Variants in CTSC observed in about 807,000 individuals in gnomAD.
CTSC encodes the protein cathepsin C.
Under a neutral mutation model 40.9 loss-of-function variants are expected in CTSC, and 37 were observed. The observed-to-expected ratio is 0.91, with a 90% confidence interval of 0.70 to 1.19. The LOEUF (loss-of-function observed/expected upper bound fraction) is 1.19. Among genes scored for constraint, CTSC ranks in the 50% most tolerant of loss-of-function variants. The probability of loss-of-function intolerance (pLI) is 0.00; values close to 1 mark genes in which losing one functional copy is unlikely to be tolerated. For missense variants in CTSC, 594 were observed against 567.3 expected (o/e 1.05, Z -0.48); for synonymous variants, 232 against 207.4 (o/e 1.12, Z -1.02).
In CTSC at chr11:88,296,273, G is replaced by GA. The variant is rs765175054; in HGVS notation, c.758-10dup. The GA allele has an allele frequency of 1.9e-6, 3 of 1,613,170 alleles. No individual in the cohort carries two copies. The highest frequency in any genetic ancestry group is 1.7e-6 in the Non-Finnish European group (2 of 1,179,564). ...GCAGCTGCCACAGGATGCTGGCGAT[G>GA]AAAAAAAGACACATAATCCAAGAGA... On this transcript the variant is annotated splice_polypyrimidine_tract_variant and intron_variant, in intron 5 of 6. Transcript: ENST00000227266.
intron 4 of CTSC, among the ~76,000 whole-genome samples, chr11:88,307,336 T>G (rs1348022143): frequency 6.6e-6 from 1 of 152,224 alleles, no homozygotes; most frequent in Non-Finnish European, 1.5e-5. Context: ...CGTGGCCATT[T>G]AACAAATGTT....
chr11:88,324,853 A>C (rs1938136539), intron 2 of CTSC: 3 of 985,412 alleles, frequency 3.0e-6, no homozygotes, highest in Non-Finnish European at 3.6e-6. Flanking sequence ...AAAAGTTTCC[A>C]GGTGGGAGCA....
At chr11:88,310,266 T>C (rs1004775513) in intron 3 of CTSC, among the ~76,000 whole-genome samples, 2 of 151,532 alleles carry the variant, frequency 1.3e-5, no homozygotes, top group Admixed American at 6.6e-5. Context: ...TTGTGCCAAA[T>C]GCTTGGATAT....
Position 88,294,049 on chromosome 11 carries a change from A to G in CTSC, c.1349T>C (p.Ile450Thr). ...RIRRGTDECA[I>T]ESIAVAATPI... is the part of the protein sequence containing the mutation. Reference sequence around the variant, plus strand: ...TGTGGCTGCCACTGCTATGCTCTCAATTGCACACTCATCAGTTCCTCTGCG... The same window carrying G: ...TGTGGCTGCCACTGCTATGCTCTCAGTTGCACACTCATCAGTTCCTCTGCG... Residue 450 changes from isoleucine (I) to threonine (T), a missense_variant, in exon 7 of 7, where the codon ATT becomes ACT. Transcript: ENST00000227266. 6.2e-7 allele frequency: 1 copy of G among 1,614,026 alleles called. No homozygotes were observed. Among genetic ancestry groups the G allele is most frequent in the Non-Finnish European group, 8.5e-7 (1 of 1,180,020 alleles).
intron 4 of CTSC, 126 bp downstream of exon 4, chr11:88,309,037 A>G: frequency 1.3e-6 from 1 of 779,856 alleles, no homozygotes; most frequent in South Asian, 1.5e-5. Flanking sequence ...TCGTTAACAG[A>G]TCACATAAAA....
intron 6 of CTSC, 144 bp from the exon 7 acceptor site, chr11:88,294,652 A>C: frequency 1.1e-6 from 1 of 889,234 alleles, no homozygotes; most frequent in Non-Finnish European, 1.8e-6. Context: ...TCATCCATCC[A>C]TTTTCCAACT....
intron 4 of CTSC, among the ~76,000 whole-genome samples, chr11:88,303,714 T>A (rs112717774): frequency 1.2e-4 from 19 of 152,286 alleles, no homozygotes; most frequent in African/African-American, 4.6e-4. Flanking sequence ...CATGTAGAGA[T>A]GTGACTGGAC....
chr11:88,316,380 T>TG (rs1441826067), intron 2 of CTSC, among the ~76,000 whole-genome samples: 4 of 151,998 alleles, frequency 2.6e-5, no homozygotes, highest in Middle Eastern at 3.4e-3. Context: ...ACGCCGAGGT[T>TG]GGGGGAATCA....
chr11:88,314,591 G>C (rs935669659), intron 2 of CTSC, among the ~76,000 whole-genome samples: 5 of 152,010 alleles, frequency 3.3e-5, no homozygotes, highest in Non-Finnish European at 7.4e-5. Context: ...ACACTGGCGA[G>C]ATGTCGGCTC....
chr11:88,330,477 T>C (rs1234104470), intron 2 of CTSC, among the ~76,000 whole-genome samples: 1 of 152,010 alleles, frequency 6.6e-6, no homozygotes, highest in African/African-American at 2.4e-5. Flanking sequence ...GCCTCCTGAA[T>C]AGCTGGGATT....
intron 4 of CTSC, among the ~76,000 whole-genome samples, chr11:88,307,486 T>C (rs752296753): frequency 6.6e-6 from 1 of 151,370 alleles, no homozygotes; most frequent in Non-Finnish European, 1.5e-5. Context: ...CTAAGAAATA[T>C]ACCATGGGGC....
At chr11:88,332,407 T>C (rs1938386338) in intron 2 of CTSC, among the ~76,000 whole-genome samples, 1 of 152,210 alleles carries the variant, frequency 6.6e-6, no homozygotes, top group Non-Finnish European at 1.5e-5. Flanking sequence ...AATACCCTGA[T>C]GCTTATGGTA....
intron 2 of CTSC, among the ~76,000 whole-genome samples, chr11:88,332,817 T>C (rs1004243374): frequency 1.3e-5 from 2 of 152,234 alleles, no homozygotes; most frequent in African/African-American, 4.8e-5. Context: ...TTTTCTATTG[T>C]TATTCCTAAT....
intron 2 of CTSC, among the ~76,000 whole-genome samples, chr11:88,317,563 C>T (rs1341956028): frequency 6.6e-6 from 1 of 152,160 alleles, no homozygotes; most frequent in Non-Finnish European, 1.5e-5. Context: ...GCCAAGTACG[C>T]AGTACCTTAA....
intron 2 of CTSC, chr11:88,321,752 T>G (rs1189892056): frequency 6.6e-6 from 1 of 152,204 alleles, no homozygotes; most frequent in African/African-American, 2.4e-5. Context: ...TACATGTGCA[T>G]GTATCTTTGT....
At chr11:88,301,561 A>T (rs955188239) in intron 4 of CTSC, among the ~76,000 whole-genome samples, 4 of 152,132 alleles carry the variant, frequency 2.6e-5, no homozygotes, top group Non-Finnish European at 5.9e-5. Flanking sequence ...GAAGCCAAGA[A>T]CCTGGACACC....
intron 4 of CTSC, among the ~76,000 whole-genome samples, chr11:88,302,043 C>A (rs868415499): frequency 6.6e-6 from 1 of 152,096 alleles, no homozygotes; most frequent in African/African-American, 2.4e-5. Context: ...CAGCCCCCAG[C>A]GAAAACTCAC....
At chr11:88,319,833 G>C (rs1337595683) in intron 2 of CTSC, among the ~76,000 whole-genome samples, 1 of 152,108 alleles carries the variant, frequency 6.6e-6, no homozygotes. Flanking sequence ...ATTTTGAAAA[G>C]AGTACTTTGC....
At chr11:88,332,441 A>T (rs945704046) in intron 2 of CTSC, among the ~76,000 whole-genome samples, 2 of 152,212 alleles carry the variant, frequency 1.3e-5, no homozygotes, top group South Asian at 2.1e-4. Flanking sequence ...TTCTGTATTA[A>T]TAAATGTCAC....
Sources: allele counts gnomAD v4.1 joint callset (sites outside exome capture counted in the v4.1 genomes callset), GRCh38; gene constraint gnomAD v4.1.1; transcripts MANE v1.5; gene names NCBI Gene and HGNC (gene_info 2026-07-23, HGNC 2026-07-21).